The following SLC5A3 variants were observed in gnomAD, a reference collection of about 807,000 sequenced individuals.
The protein encoded by SLC5A3 is sodium/myo-inositol cotransporter.
SLC5A3 carries 10 observed loss-of-function variants against 43.2 expected under a neutral mutation model. The observed-to-expected ratio is 0.23, with a 90% CI of 0.14 to 0.39. The LOEUF (loss-of-function observed/expected upper bound fraction) is 0.39, where lower values mean the gene tolerates loss of function less well. SLC5A3 is among the 10% of genes least tolerant of loss of function. SLC5A3 has a pLI of 1.00. For synonymous variants in SLC5A3, 349 were observed against 322.0 expected (o/e 1.08, Z -0.90); for missense variants, 608 against 893.4 (o/e 0.68, Z 4.07).
At chr21:34,074,469 A>C (rs1989274843) in intron 1 of SLC5A3, among the ~76,000 whole-genome samples, 1 of 152,086 alleles carries the variant, frequency 6.6e-6, no homozygotes, top group Non-Finnish European at 1.5e-5. Context: ...CTTTTGATTG[A>C]TCTTGAGGTA....
Position 34,097,974 on chromosome 21 carries a change from A to G in SLC5A3, c.*619A>G. The G allele has an allele frequency of 2.0e-6, 2 of 998,030 alleles. No homozygotes were observed. The highest frequency in any genetic ancestry group is 4.7e-5 in the South Asian group (1 of 21,212). The allele number at this position is 998,030 out of a possible 1,614,324, so 61.8% of individuals were successfully genotyped here. A position where few individuals can be genotyped will look rare whatever the true frequency, so the allele number is the denominator to read the frequency against. On this transcript the variant is annotated 3_prime_UTR_variant, in exon 2 of 2. Transcript: ENST00000381151. ...CCACCAGTATATGGAATGTTAGGGA[A>G]AAACTTTGTTCCAGTTCCTTTTTTT...
intron 1 of SLC5A3, among the ~76,000 whole-genome samples, chr21:34,086,954 C>T (rs1298595331): frequency 6.6e-6 from 1 of 152,172 alleles, no homozygotes; most frequent in African/African-American, 2.4e-5. Context: ...GCCAGACAGA[C>T]ACGCACAGGG....
chr21:34,105,551 TATG>T lies in SLC5A3; in HGVS notation c.*8200_*8202del, dbSNP rs1033850531. On this transcript the variant is annotated 3_prime_UTR_variant, in exon 2 of 2. Coordinates refer to ENST00000381151, the MANE Select transcript of SLC5A3 (RefSeq NM_006933.7). Reference sequence around the variant, plus strand: ...AACATGTTCTTCCCAGTGTCCTGCTTATGATGCTTTGTTCAGATTTTTTGTAAG... The same window carrying T: ...AACATGTTCTTCCCAGTGTCCTGCTTATGCTTTGTTCAGATTTTTTGTAAG... 9 of 999,744 alleles carry T rather than the reference TATG, an allele frequency of 9.0e-6. 1 individual carries two copies. Among genetic ancestry groups the T allele is most frequent in the Admixed American group, 1.2e-4 (2 of 16,250 alleles). 61.9% of individuals were successfully genotyped at this position (999,744 alleles called of 1,614,324 possible).
chr21:34,089,116 T>A (rs2148656765), intron 1 of SLC5A3, among the ~76,000 whole-genome samples: 1 of 150,978 alleles, frequency 6.6e-6, no homozygotes, highest in Non-Finnish European at 1.5e-5. Context: ...AACCTCCACC[T>A]CTCTGGGTTC....
rs536695246 is a variant in SLC5A3 at position 34,100,983 on chromosome 21, G to C, written c.*3628G>C. On this transcript the variant is annotated 3_prime_UTR_variant, in exon 2 of 2. Coordinates refer to ENST00000381151, the MANE Select transcript of SLC5A3 (RefSeq NM_006933.7). ...ATTCTCCTGGCTCATTTTCATCAGA[G>C]GCATGATGACTGGAAAGGGATCACA... The C allele has an allele frequency of 1.4e-4, 139 of 999,584 alleles. No homozygotes were observed. Among genetic ancestry groups the C allele is most frequent in the Non-Finnish European group, 1.6e-4 (136 of 829,432 alleles). 61.9% of individuals were successfully genotyped at this position (999,584 alleles called of 1,614,324 possible).
chr21:34,083,784 G>T (rs144878321), intron 1 of SLC5A3, among the ~76,000 whole-genome samples: 129 of 152,298 alleles, frequency 8.5e-4, no homozygotes, highest in African/African-American at 2.9e-3. Context: ...AGGGCCAGGA[G>T]ATTTTGCAAA....
In SLC5A3 at chr21:34,102,017, C is replaced by G. The variant is rs906699335; in HGVS notation, c.*4662C>G. ...GGAATTAGTTGGCATATAGAGGAACCCTTTTGTACTGGAACGTATGAGGCT... is the reference window on the plus strand; with the variant it reads ...GGAATTAGTTGGCATATAGAGGAACGCTTTTGTACTGGAACGTATGAGGCT... On this transcript the variant is annotated 3_prime_UTR_variant, in exon 2 of 2. Transcript: ENST00000381151. 54 of 999,924 alleles carry G rather than the reference C, an allele frequency of 5.4e-5. No homozygotes were observed. Among genetic ancestry groups the G allele is most frequent in the Non-Finnish European group, 6.5e-5 (54 of 829,906 alleles). The allele number at this position is 999,924 out of a possible 1,614,324, so 61.9% of individuals were successfully genotyped here.
intron 1 of SLC5A3, among the ~76,000 whole-genome samples, chr21:34,086,010 A>G (rs1182020774): frequency 6.6e-6 from 1 of 152,192 alleles, no homozygotes; most frequent in African/African-American, 2.4e-5. Context: ...GTCTGTCTAC[A>G]GTTCTGGTTG....
At chr21:34,083,713 C>T (rs981664334) in intron 1 of SLC5A3, among the ~76,000 whole-genome samples, 2 of 152,174 alleles carry the variant, frequency 1.3e-5, no homozygotes, top group Admixed American at 6.5e-5. Context: ...GCCTAAGTCT[C>T]GCAGACTTTG....
chr21:34,073,695 C>G lies in SLC5A3; in HGVS notation c.-387C>G, dbSNP rs1989244664. 2.0e-6 allele frequency: 3 copies of G among 1,520,564 alleles called. No homozygotes were observed. The highest frequency in any genetic ancestry group is 2.3e-5 in the South Asian group (2 of 86,868). 94.2% of individuals were successfully genotyped at this position (1,520,564 alleles called of 1,614,324 possible). ...CTTCCGAGCCGCACTCGCCGATCCT[C>G]CAGGCATGCCCCGCTACGAGCTGGC... On this transcript the variant is annotated 5_prime_UTR_variant, in exon 1 of 2. Coordinates refer to ENST00000381151, the MANE Select transcript of SLC5A3 (RefSeq NM_006933.7).
chr21:34,091,824 T>G (rs1195655948), intron 1 of SLC5A3, among the ~76,000 whole-genome samples: 3 of 152,218 alleles, frequency 2.0e-5, no homozygotes, highest in Non-Finnish European at 2.9e-5. Flanking sequence ...TGTTTCTTTT[T>G]GCATTCTACA....
intron 1 of SLC5A3, among the ~76,000 whole-genome samples, chr21:34,089,721 G>C (rs1978584044): frequency 6.6e-6 from 1 of 152,148 alleles, no homozygotes; most frequent in Admixed American, 6.5e-5. Context: ...AGGGTTGGGA[G>C]GAGGGCCGCA....
intron 1 of SLC5A3, among the ~76,000 whole-genome samples, chr21:34,080,374 T>C (rs16991169): frequency 0.012 from 1,753 of 152,322 alleles, 38 homozygotes; most frequent in South Asian, 0.081. Flanking sequence ...TCAGTTTTTT[T>C]CCACATTTTA....
At chr21:34,089,154 AG>A (rs1438256050) in intron 1 of SLC5A3, among the ~76,000 whole-genome samples, 2 of 151,832 alleles carry the variant, frequency 1.3e-5, no homozygotes, top group African/African-American at 4.8e-5. Flanking sequence ...CAGCCTCCTG[AG>A]TAGCTGGGAT....
At chr21:34,086,223 T>A (rs1978368860) in intron 1 of SLC5A3, among the ~76,000 whole-genome samples, 1 of 152,148 alleles carries the variant, frequency 6.6e-6, no homozygotes, top group South Asian at 2.1e-4. Flanking sequence ...TTGTTTTGTT[T>A]TGTTTTGTAA....
Position 34,096,852 on chromosome 21 carries a change from C to CTGG in SLC5A3, c.1660_1662dup (p.Val554dup). 1 of 1,614,040 alleles carries CTGG rather than the reference C, an allele frequency of 6.2e-7. No homozygotes were observed. Among genetic ancestry groups the CTGG allele is most frequent in the Non-Finnish European group, 8.5e-7 (1 of 1,179,980 alleles). ...CACCACCTTTTGGTCTAAGAAGAAC[C>CTGG]TGGTGGTGAAGGAGAACTGCTCCCC... is the stretch of plus-strand genomic sequence containing the variant. On this transcript the variant is annotated inframe_insertion, in exon 2 of 2. Coordinates refer to ENST00000381151, the MANE Select transcript of SLC5A3 (RefSeq NM_006933.7). This position sits in a 1 kb window ranked among gnomAD's most constrained non-coding sequence, Gnocchi z 5.9.
Position 34,097,652 on chromosome 21 carries a change from A to G in SLC5A3, c.*297A>G. ...TCACAGAGCACTTAGAGCAGAATAT[A>G]TGTTAAGTTACCATGAATTAAGGTA... On this transcript the variant is annotated 3_prime_UTR_variant, in exon 2 of 2. Transcript: ENST00000381151. The G allele has an allele frequency of 1.8e-6, 2 of 1,089,346 alleles. No homozygotes were observed. The highest frequency in any genetic ancestry group is 1.1e-6 in the Non-Finnish European group (1 of 887,750). 67.5% of individuals were successfully genotyped at this position (1,089,346 alleles called of 1,614,324 possible).
chr21:34,091,912 A>G (rs1483838770), intron 1 of SLC5A3, among the ~76,000 whole-genome samples: 1 of 103,940 alleles, frequency 9.6e-6, no homozygotes, highest in Non-Finnish European at 1.9e-5. Flanking sequence ...TTTCATAACT[A>G]TACCTATTTT....
At position 34,098,587 on chromosome 21, in the gene SLC5A3, T is replaced by C; in HGVS notation, c.*1232T>C. 1.0e-6 allele frequency: 1 copy of C among 1,000,290 alleles called. No individual in the cohort carries two copies. Among genetic ancestry groups the C allele is most frequent in the South Asian group, 4.7e-5 (1 of 21,290 alleles). 62.0% of individuals were successfully genotyped at this position (1,000,290 alleles called of 1,614,324 possible). A position where few individuals can be genotyped will look rare whatever the true frequency, so the allele number is the denominator to read the frequency against. On this transcript the variant is annotated 3_prime_UTR_variant, in exon 2 of 2. Coordinates refer to ENST00000381151, the MANE Select transcript of SLC5A3 (RefSeq NM_006933.7). ...CGGTAACAGAAAACTCAGTGCATAC[T>C]TTGCTGTTGTTAGGTTGTCAATATA...
Sources: gnomAD v4.1 joint callset for allele counts (sites outside exome capture counted in the v4.1 genomes callset) on GRCh38, gnomAD v4.1.1 for gene constraint, Gnocchi (gnomAD v3.1) non-coding constraint, MANE v1.5 for transcripts, NCBI Gene and HGNC (gene_info 2026-07-23, HGNC 2026-07-21) for gene names.